The following PCDH15 variants were observed in gnomAD, a reference collection of about 807,000 sequenced individuals.
PCDH15 encodes the protein protocadherin-15.
Under a neutral mutation model 178.5 loss-of-function variants are expected in PCDH15, and 129 were observed. That is an observed-to-expected ratio of 0.72 (90% CI 0.63 to 0.84). The LOEUF (loss-of-function observed/expected upper bound fraction) is 0.84, where lower values mean the gene tolerates loss of function less well. Ranked by LOEUF, PCDH15 falls within the 40% of genes least tolerant of loss-of-function variation. The probability of loss-of-function intolerance (pLI) is 0.00; values close to 1 mark genes in which losing one functional copy is unlikely to be tolerated. For synonymous variants in PCDH15, 800 were observed against 732.0 expected (o/e 1.09, Z -1.50); for missense variants, 2,230 against 2,099.9 (o/e 1.06, Z -1.21).
At chr10:54,027,378 C>T (rs1430617978) in intron 18 of PCDH15, among the ~76,000 whole-genome samples, 1 of 151,972 alleles carries the variant, frequency 6.6e-6, no homozygotes, top group African/African-American at 2.4e-5. Context: ...AAGTAATTTA[C>T]AGATTCAATG....
At chr10:54,343,701 C>T (rs568205550) in intron 6 of PCDH15, among the ~76,000 whole-genome samples, 2 of 151,560 alleles carry the variant, frequency 1.3e-5, no homozygotes, top group African/African-American at 2.4e-5. Flanking sequence ...ATGTAAATGA[C>T]GAGTTAACAG....
chr10:55,267,591 G>A (rs566030177), intron 1 of PCDH15, among the ~76,000 whole-genome samples: 1 of 152,256 alleles, frequency 6.6e-6, no homozygotes, highest in South Asian at 2.1e-4. Flanking sequence ...AGGAAAAGTT[G>A]TCTTTGGTTT....
rs190669220 is a variant in PCDH15 at position 53,997,492 on chromosome 10, C to T, written c.2752-1727G>A. ...AGCCCAACACTGCAATGTTTCCATG[C>T]ATGAGTTTCCAATGAGCTCATTATG... On this transcript the variant is annotated intron_variant, in intron 20 of 37. Transcript: ENST00000644397. Among the ~76,000 whole-genome samples the T allele has an allele frequency of 4.6e-5, 7 of 152,246 alleles. No homozygotes were observed. The East Asian group carries it at 1.2e-3, about 25-fold the overall frequency.
intron 25 of PCDH15, among the ~76,000 whole-genome samples, chr10:53,917,277 A>G (rs1250739639): frequency 6.6e-6 from 1 of 152,150 alleles, no homozygotes; most frequent in Non-Finnish European, 1.5e-5. Flanking sequence ...TACAAGCCGA[A>G]TAGGAATTAT....
At chr10:55,260,670 G>C (rs1005123782) in intron 1 of PCDH15, among the ~76,000 whole-genome samples, 1 of 152,106 alleles carries the variant, frequency 6.6e-6, no homozygotes, top group Non-Finnish European at 1.5e-5. Context: ...CAAACCTCTA[G>C]GTAATATTAC....
chr10:55,168,508 G>A lies in PCDH15; in HGVS notation c.-155-1857C>T, dbSNP rs527784184. On this transcript the variant is annotated intron_variant, in intron 1 of 5. Transcript: ENST00000458638. ...TAGCATCAAACACCAGAAATAGCTA[G>A]ATATTCCCCTAGGGGTTCTGTACAT... Among the ~76,000 whole-genome samples, 4 of 152,238 alleles carry A rather than the reference G, an allele frequency of 2.6e-5. No homozygotes were observed. In the South Asian group the frequency reaches 8.3e-4, roughly 32 times the overall value.
At chr10:54,587,021 A>G (rs74136219) in intron 2 of PCDH15, among the ~76,000 whole-genome samples, 4,663 of 152,272 alleles carry the variant, frequency 0.031, 223 homozygotes, top group African/African-American at 0.11. Context: ...ATAAAAAATA[A>G]AATTTCAAAT....
chr10:55,599,682 T>C (rs566318545), intron 2 of PCDH15: 74 of 331,670 alleles, frequency 2.2e-4, no homozygotes, highest in African/African-American at 1.5e-3. Context: ...CATCTTATTA[T>C]CTTTATTTTA....
At chr10:53,884,307 C>A (rs1208193436) in intron 26 of PCDH15, among the ~76,000 whole-genome samples, 1 of 152,142 alleles carries the variant, frequency 6.6e-6, no homozygotes, top group East Asian at 1.9e-4. Context: ...CAGTGCCCTG[C>A]TCTGTTTTAC....
At chr10:53,974,352 T>C (rs1347575147) in intron 21 of PCDH15, among the ~76,000 whole-genome samples, 2 of 152,148 alleles carry the variant, frequency 1.3e-5, no homozygotes, top group Non-Finnish European at 2.9e-5. Context: ...CTCTAGGGGC[T>C]TTTTGTTTTC....
chr10:54,995,628 C>CT (rs1839623575), intron 2 of PCDH15, among the ~76,000 whole-genome samples: 1 of 78,386 alleles, frequency 1.3e-5, no homozygotes, highest in East Asian at 3.6e-4. Context: ...TAAATTAACC[C>CT]TCCCCCCCAC....
intron 1 of PCDH15, among the ~76,000 whole-genome samples, chr10:54,775,295 A>C (rs1418501308): frequency 6.6e-6 from 1 of 152,212 alleles, no homozygotes; most frequent in East Asian, 1.9e-4. Context: ...AATTTCAGTT[A>C]ATAGGAACTC....
chr10:54,079,514 C>G, intron 16 of PCDH15, 90 bp from the exon 17 acceptor site: 1 of 1,147,770 alleles, frequency 8.7e-7, no homozygotes, highest in African/African-American at 1.5e-5. Flanking sequence ...CTTTTGATAG[C>G]TTTTTTTCCC....
intron 2 of PCDH15, among the ~76,000 whole-genome samples, chr10:54,975,479 G>A (rs1839047455): frequency 1.3e-5 from 2 of 152,158 alleles, no homozygotes; most frequent in Non-Finnish European, 1.5e-5. Context: ...TGAACTGACT[G>A]TTAATATGGT....
At chr10:55,017,761 C>A (rs1264174089) in intron 2 of PCDH15, among the ~76,000 whole-genome samples, 3 of 151,872 alleles carry the variant, frequency 2.0e-5, no homozygotes, top group African/African-American at 7.3e-5. Flanking sequence ...ATACAGTAAT[C>A]TTTAAGGACA....
chr10:53,883,024 T>C (rs1194476997), intron 26 of PCDH15, among the ~76,000 whole-genome samples: 8 of 152,184 alleles, frequency 5.3e-5, no homozygotes, highest in Non-Finnish European at 8.8e-5. Flanking sequence ...TCCTTTATGT[T>C]TTTTTGATGT....
At chr10:54,489,738 C>T (rs1281079903) in intron 3 of PCDH15, among the ~76,000 whole-genome samples, 1 of 152,104 alleles carries the variant, frequency 6.6e-6, no homozygotes, top group Admixed American at 6.6e-5. Context: ...ACCCTTATGA[C>T]TAAATATATA....
chr10:55,262,265 G>T (rs544497062), intron 1 of PCDH15, among the ~76,000 whole-genome samples: 7 of 147,744 alleles, frequency 4.7e-5, no homozygotes, highest in Non-Finnish European at 9.0e-5. Context: ...ATATGGGAGG[G>T]GGGCAAAGAA....
chr10:54,173,523 T>A (rs2047113330), intron 13 of PCDH15, among the ~76,000 whole-genome samples: 1 of 151,798 alleles, frequency 6.6e-6, no homozygotes, highest in Non-Finnish European at 1.5e-5. Context: ...TAAAATATTT[T>A]ACTTTGTAAA....
Sources: allele counts gnomAD v4.1 joint callset (sites outside exome capture counted in the v4.1 genomes callset), GRCh38; gene constraint gnomAD v4.1.1; transcripts MANE v1.5; gene names NCBI Gene and HGNC (gene_info 2026-07-23, HGNC 2026-07-21).